The following RYR2 variants were observed in gnomAD, a reference collection of about 807,000 sequenced individuals.
The protein encoded by RYR2 is cardiac muscle ryanodine receptor-calcium release channel.
Under a neutral mutation model 601.1 loss-of-function variants are expected in RYR2, and 227 were observed. That is an observed-to-expected ratio of 0.38 (90% CI 0.34 to 0.42). The LOEUF (loss-of-function observed/expected upper bound fraction) is 0.42, where lower values mean the gene tolerates loss of function less well. RYR2 is among the 10% of genes least tolerant of loss of function. RYR2 has a pLI of 1.00. For synonymous variants in RYR2, 2,223 were observed against 2,175.1 expected (o/e 1.02, Z -0.61); for missense variants, 4,646 against 6,156.5 (o/e 0.75, Z 8.21).
chr1:237,603,883 A>G (rs145873279), intron 35 of RYR2, among the ~76,000 whole-genome samples: 5,312 of 152,314 alleles, frequency 0.035, 171 homozygotes, highest in African/African-American at 0.084. Flanking sequence ...TATCCTAAAT[A>G]TATATGCACC....
chr1:237,427,992 A>G (rs1354584661), intron 12 of RYR2, among the ~76,000 whole-genome samples: 1 of 152,132 alleles, frequency 6.6e-6, no homozygotes, highest in African/African-American at 2.4e-5. Flanking sequence ...GCCAAGAAAC[A>G]TGAAAAAAAG....
At chr1:237,698,848 C>T in intron 63 of RYR2, 117 bp from the exon 64 acceptor site, 1 of 567,636 alleles carries the variant, frequency 1.8e-6, no homozygotes. Context: ...ATTAAAAAAC[C>T]TTTTAAAATA....
chr1:237,398,862 A>T lies in RYR2; in HGVS notation c.773+10679A>T, dbSNP rs138447972. Among the ~76,000 whole-genome samples, 81 of 152,322 alleles carry T rather than the reference A, an allele frequency of 5.3e-4. 1 individual carries two copies. The East Asian group carries it at 0.011, about 20-fold the overall frequency. ...AGCTGTGGTATGTCCATAGCGTGGG[A>T]TACTACTCAGCAGTGAAATGGAATG... is the stretch of plus-strand genomic sequence containing the variant. On this transcript the variant is annotated intron_variant, in intron 10 of 104. Coordinates refer to ENST00000366574, the MANE Select transcript of RYR2 (RefSeq NM_001035.3).
chr1:237,138,016 A>ATATTTTATTTTATTTTATTTTATTT (rs376745141), intron 1 of RYR2, among the ~76,000 whole-genome samples: 1 of 151,374 alleles, frequency 6.6e-6, no homozygotes, highest in African/African-American at 2.4e-5. Context: ...TGCACTGGAT[A>ATATTTTATTTTATTTTATTTTATTT]TATTTTATTT....
chr1:237,248,950 A>G (rs1451677229), intron 1 of RYR2, among the ~76,000 whole-genome samples: 3 of 152,064 alleles, frequency 2.0e-5, no homozygotes, highest in Non-Finnish European at 4.4e-5. Context: ...GTTTTAGTAG[A>G]GACGGGGTTT....
Position 237,767,833 on chromosome 1 carries a change from C to T in RYR2, c.11477-2974C>T, listed in dbSNP as rs187110644. Among the ~76,000 whole-genome samples, 757 of 152,250 alleles carry T rather than the reference C, an allele frequency of 5.0e-3. 6 individuals are homozygous for T. Among genetic ancestry groups the T allele is most frequent in the South Asian group, 0.032 (153 of 4,820 alleles). On this transcript the variant is annotated intron_variant, in intron 84 of 104. Transcript: ENST00000366574. ...AGTTTTGGCAAGATGCAGAATCGAT[C>T]TTAAGGTCCCCTCAAGATCCACAAT...
intron 29 of RYR2, among the ~76,000 whole-genome samples, chr1:237,583,534 C>T (rs1674165667): frequency 6.6e-6 from 1 of 152,046 alleles, no homozygotes; most frequent in African/African-American, 2.4e-5. Context: ...TTATATGGCA[C>T]ATAGTAGGCC....
At chr1:237,523,836 A>G (rs1185135153) in intron 24 of RYR2, among the ~76,000 whole-genome samples, 1 of 152,206 alleles carries the variant, frequency 6.6e-6, no homozygotes, top group East Asian at 1.9e-4. Flanking sequence ...ATCAGTCAGA[A>G]AAATACAAAT....
intron 1 of RYR2, among the ~76,000 whole-genome samples, chr1:237,067,575 CCT>C (rs1663805092): frequency 6.6e-6 from 1 of 151,772 alleles, no homozygotes; most frequent in African/African-American, 2.4e-5. Flanking sequence ...TCATTTAATT[CCT>C]CTTTTTCAAA....
At chr1:237,631,302 TA>T (rs1355046322) in intron 41 of RYR2, 124 bp from the exon 42 acceptor site, 6 of 643,804 alleles carry the variant, frequency 9.3e-6, no homozygotes, top group Non-Finnish European at 1.3e-5. Context: ...TGTGGCTTAT[TA>T]AATACTGTGA....
chr1:237,094,982 A>T (rs1445711438), intron 1 of RYR2, among the ~76,000 whole-genome samples: 1 of 152,160 alleles, frequency 6.6e-6, no homozygotes, highest in East Asian at 1.9e-4. Flanking sequence ...ATAGTGTGTG[A>T]TTTATGTCAT....
At chr1:237,055,499 G>T (rs1661880210) in intron 1 of RYR2, among the ~76,000 whole-genome samples, 1 of 152,154 alleles carries the variant, frequency 6.6e-6, no homozygotes, top group Non-Finnish European at 1.5e-5. Context: ...GGTGGTAGTT[G>T]TGGGAATAGA....
At chr1:237,731,076 A>G (rs911199597) in intron 77 of RYR2, among the ~76,000 whole-genome samples, 6 of 152,182 alleles carry the variant, frequency 3.9e-5, no homozygotes, top group African/African-American at 1.2e-4. Flanking sequence ...AAATTAATCT[A>G]ATTCTTAAAA....
intron 1 of RYR2, among the ~76,000 whole-genome samples, chr1:237,127,326 G>T (rs1177794487): frequency 2.7e-4 from 41 of 151,570 alleles, no homozygotes; most frequent in African/African-American, 4.4e-4. Flanking sequence ...GGTGGTGGCC[G>T]GGCAGAGGGG....
chr1:237,266,298 T>G (rs1558523431), intron 1 of RYR2, among the ~76,000 whole-genome samples: 1 of 151,972 alleles, frequency 6.6e-6, no homozygotes, highest in Non-Finnish European at 1.5e-5. Flanking sequence ...TATTTGGCAG[T>G]GTTGGTCTTT....
chr1:237,635,233 A>G (rs1680755734), intron 44 of RYR2, among the ~76,000 whole-genome samples: 1 of 152,180 alleles, frequency 6.6e-6, no homozygotes, highest in Non-Finnish European at 1.5e-5. Flanking sequence ...ATATAATTCT[A>G]CTATACATTA....
chr1:237,447,446 G>C (rs1247167082), intron 14 of RYR2, among the ~76,000 whole-genome samples: 1 of 152,076 alleles, frequency 6.6e-6, no homozygotes, highest in Non-Finnish European at 1.5e-5. Context: ...AAAAAATGTT[G>C]AATTATACAC....
At chr1:237,650,672 C>T (rs935965359) in intron 50 of RYR2, among the ~76,000 whole-genome samples, 2 of 152,174 alleles carry the variant, frequency 1.3e-5, no homozygotes, top group African/African-American at 4.8e-5. Flanking sequence ...GATAATTTCT[C>T]AAGCCCCTAG....
chr1:237,789,595 T>TCATGGCTGCAGTGATA (rs1558419083), intron 92 of RYR2, among the ~76,000 whole-genome samples: 1 of 150,450 alleles, frequency 6.6e-6, no homozygotes, highest in Non-Finnish European at 1.5e-5. Context: ...CTATTATAGG[T>TCATGGCTGCAGTGATA]GGTTTAAAGG....
Sources: gnomAD v4.1 joint callset for allele counts (sites outside exome capture counted in the v4.1 genomes callset) on GRCh38, gnomAD v4.1.1 for gene constraint, MANE v1.5 for transcripts, NCBI Gene and HGNC (gene_info 2026-07-23, HGNC 2026-07-21) for gene names.